The following MTSS1 variants were observed in gnomAD, a reference collection of about 807,000 sequenced individuals.
MTSS1 encodes MTSS I-BAR domain containing 1, also known as protein MTSS 1.
MTSS1 carries 18 observed loss-of-function variants against 79.0 expected under a neutral mutation model. The ratio of observed to expected loss-of-function variants is 0.23; its 90% confidence interval spans 0.16 to 0.34. The LOEUF is 0.34. Among genes scored for constraint, MTSS1 ranks in the 10% least tolerant of loss-of-function variants. The pLI, the probability that MTSS1 is intolerant of heterozygous loss-of-function variation, is 1.00. For synonymous variants in MTSS1, 341 were observed against 368.6 expected (o/e 0.93, Z 0.86); for missense variants, 815 against 986.2 (o/e 0.83, Z 2.33).
chr8:124,719,448 G>T (rs1235066569), intron 1 of MTSS1, among the ~76,000 whole-genome samples: 1 of 152,102 alleles, frequency 6.6e-6, no homozygotes, highest in Non-Finnish European at 1.5e-5. Context: ...CCTCCCCAGA[G>T]CCCCCACACA....
intron 1 of MTSS1, among the ~76,000 whole-genome samples, chr8:124,718,100 C>T (rs2288665): frequency 0.69 from 105,081 of 152,046 alleles, 36,669 homozygotes; most frequent in Admixed American, 0.78. Context: ...ATGTGCGAGC[C>T]CTTGTGAGTG....
At chr8:124,591,115 G>A in intron 4 of MTSS1, 36 bp downstream of exon 4, 1 of 1,560,304 alleles carries the variant, frequency 6.4e-7, no homozygotes, top group Non-Finnish European at 8.8e-7. Context: ...AAATCTGCAA[G>A]GGTGTTGGCG....
chr8:124,671,543 A>G (rs1014196020), intron 3 of MTSS1, among the ~76,000 whole-genome samples: 2 of 152,222 alleles, frequency 1.3e-5, no homozygotes, highest in East Asian at 3.8e-4. Context: ...GTTTCTCTAA[A>G]GGAAAGATAA....
At chr8:124,580,323 G>C (rs1287954650) in intron 6 of MTSS1, 1 of 518,516 alleles carries the variant, frequency 1.9e-6, no homozygotes, top group Non-Finnish European at 3.5e-6. Flanking sequence ...AAGGCTCTCA[G>C]AGTGTTGTGC....
chr8:124,703,948 T>C (rs1327758110), intron 2 of MTSS1, among the ~76,000 whole-genome samples, 182 bp downstream of exon 2: 1 of 152,208 alleles, frequency 6.6e-6, no homozygotes, highest in African/African-American at 2.4e-5. Context: ...ATTTTACATA[T>C]GGCAATCAGG....
chr8:124,626,453 C>T (rs1171728880), intron 3 of MTSS1, among the ~76,000 whole-genome samples: 1 of 152,064 alleles, frequency 6.6e-6, no homozygotes, highest in African/African-American at 2.4e-5. Context: ...CCTGGGTAAC[C>T]TAGAGAGACC....
At chr8:124,612,511 T>C (rs1478589060) in intron 3 of MTSS1, among the ~76,000 whole-genome samples, 2 of 152,016 alleles carry the variant, frequency 1.3e-5, no homozygotes, top group Non-Finnish European at 2.9e-5. Flanking sequence ...GGTAGAAATC[T>C]TGGCATCAGG....
chr8:124,696,233 C>A (rs1356329974), intron 3 of MTSS1, among the ~76,000 whole-genome samples: 1 of 152,080 alleles, frequency 6.6e-6, no homozygotes, highest in Non-Finnish European at 1.5e-5. Context: ...GGTAATCCAC[C>A]TGCCTCGGCC....
chr8:124,562,793 C>A lies in MTSS1; in HGVS notation c.1024G>T (p.Ala342Ser). Reference sequence around the variant, plus strand: ...AAGGGCACCCTTACCTGGTTGGGGGCCTCTGGCGGCATGGGGGATGGTGAC... The same window carrying A: ...AAGGGCACCCTTACCTGGTTGGGGGACTCTGGCGGCATGGGGGATGGTGAC... ...SKSPSPMPPE[A>S]PNQLSNGFSH... The change falls in exon 10 of 14, where the codon GCC becomes TCC. Residue 342 changes from alanine (A) to serine (S), a missense_variant. Ala to Ser is a moderately conservative substitution (Grantham distance 99). Around this residue, in one of 2 missense-constraint regions of MTSS1, gnomAD observed 590 missense variants for 620.8 expected, o/e 0.95. Transcript: ENST00000518547. 1 of 1,614,018 alleles carries A rather than the reference C, an allele frequency of 6.2e-7. No individual in the cohort carries two copies. Among genetic ancestry groups the A allele is most frequent in the South Asian group, 1.1e-5 (1 of 91,082 alleles).
At chr8:124,558,583 C>A in intron 10 of MTSS1, 11 of 1,300,982 alleles carry the variant, frequency 8.5e-6, no homozygotes, top group Non-Finnish European at 1.1e-5. Context: ...CACCCTCTGT[C>A]CCCAAGAGGA....
At chr8:124,640,118 TC>T (rs1486323511) in intron 3 of MTSS1, among the ~76,000 whole-genome samples, 1 of 152,224 alleles carries the variant, frequency 6.6e-6, no homozygotes, top group Admixed American at 6.5e-5. Flanking sequence ...AAACTGAATG[TC>T]TGGCCTCCCC....
intron 3 of MTSS1, among the ~76,000 whole-genome samples, chr8:124,627,921 C>T (rs573816041): frequency 3.3e-5 from 5 of 152,300 alleles, no homozygotes; most frequent in African/African-American, 1.2e-4. Context: ...AATCCCAACA[C>T]TTTGGGAGGC....
intron 2 of MTSS1, among the ~76,000 whole-genome samples, chr8:124,702,700 C>T (rs1829873186): frequency 6.6e-6 from 1 of 152,184 alleles, no homozygotes; most frequent in South Asian, 2.1e-4. Context: ...CTGTCGTCCA[C>T]ATGGCTCTTT....
chr8:124,643,107 G>C (rs1587525802), intron 3 of MTSS1, among the ~76,000 whole-genome samples: 2 of 152,070 alleles, frequency 1.3e-5, no homozygotes. Flanking sequence ...TTGGCAGAGA[G>C]AAAAAAATTG....
At chr8:124,576,570 C>A (rs2132313466) in intron 6 of MTSS1, among the ~76,000 whole-genome samples, 1 of 152,266 alleles carries the variant, frequency 6.6e-6, no homozygotes, top group East Asian at 1.9e-4. Flanking sequence ...CTTGTCATAC[C>A]CCTTTCCTGA....
At chr8:124,613,547 A>G (rs1454211745) in intron 3 of MTSS1, among the ~76,000 whole-genome samples, 1 of 152,228 alleles carries the variant, frequency 6.6e-6, no homozygotes, top group African/African-American at 2.4e-5. Flanking sequence ...ATCAACTCCT[A>G]TGCAGAAATG....
rs561739338 is a variant in MTSS1, at chr8:124,694,913, C to T, written c.208+4613G>A. ...ATATTCATCCAGAGTCTAAAATCAA[C>T]AAAATATGGAACTGCGCCTAGTGCT... On this transcript the variant is annotated intron_variant, in intron 3 of 13. Coordinates refer to ENST00000518547, the MANE Select transcript of MTSS1 (RefSeq NM_014751.6). Among the ~76,000 whole-genome samples, 16 of 152,256 alleles carry T rather than the reference C, an allele frequency of 1.1e-4. 2 individuals are homozygous for T. In the South Asian group the frequency reaches 2.9e-3, roughly 28 times the overall value.
At chr8:124,694,761 T>C (rs1486465762) in intron 3 of MTSS1, among the ~76,000 whole-genome samples, 2 of 152,168 alleles carry the variant, frequency 1.3e-5, no homozygotes, top group Non-Finnish European at 2.9e-5. Context: ...TGGTCCATTA[T>C]GGATGTGAAG....
At chr8:124,625,577 C>T (rs1326912364) in intron 3 of MTSS1, among the ~76,000 whole-genome samples, 1 of 152,186 alleles carries the variant, frequency 6.6e-6, no homozygotes, top group East Asian at 1.9e-4. Flanking sequence ...TGGTATAGAC[C>T]ACCTGCTGGC....
Sources: gnomAD v4.1 joint callset for allele counts (sites outside exome capture counted in the v4.1 genomes callset) on GRCh38, gnomAD v4.1.1 for gene constraint, gnomAD v4.1.1 regional missense constraint, MANE v1.5 for transcripts, NCBI Gene and HGNC (gene_info 2026-07-23, HGNC 2026-07-21) for gene names.